GLIS3: variants seen among roughly 807,000 people sequenced by gnomAD.
GLIS3 encodes the protein zinc finger protein GLIS3.
A neutral mutation model predicts 78.6 loss-of-function variants in GLIS3; 53 were observed. The ratio of observed to expected loss-of-function variants is 0.67; its 90% CI spans 0.54 to 0.85. The LOEUF (loss-of-function observed/expected upper bound fraction) is 0.85. Among genes scored for constraint, GLIS3 ranks in the 40% least tolerant of loss-of-function variants. The pLI, the probability that GLIS3 is intolerant of heterozygous loss-of-function variation, is 0.00. For synonymous variants in GLIS3, 684 were observed against 509.9 expected, an observed-to-expected ratio of 1.34 and a Z score of -4.60; for missense variants, 1,703 against 1,231.1, an observed-to-expected ratio of 1.38 and a Z score of -5.74.
chr9:4,010,806 G>C (rs953519163), intron 4 of GLIS3, among the ~76,000 whole-genome samples: 8 of 152,140 alleles, frequency 5.3e-5, no homozygotes, highest in African/African-American at 9.7e-5. Flanking sequence ...AATACCTAGA[G>C]TGGGTCCTGT....
the GLIS3 span, among the ~76,000 whole-genome samples, chr9:4,478,817 A>G: frequency 2.0e-5 from 3 of 152,334 alleles, no homozygotes; most frequent in East Asian, 1.9e-4. Context: ...ACCATCACCA[A>G]TAGATGCTAA....
chr9:4,145,603 C>T (rs1564114885), intron 2 of GLIS3, among the ~76,000 whole-genome samples: 1 of 152,166 alleles, frequency 6.6e-6, no homozygotes, highest in Non-Finnish European at 1.5e-5. Flanking sequence ...GGCATGAACA[C>T]CGACTTTTAC....
At chr9:4,144,251 C>T (rs756109952) in intron 2 of GLIS3, among the ~76,000 whole-genome samples, 10 of 152,162 alleles carry the variant, frequency 6.6e-5, no homozygotes, top group Non-Finnish European at 1.2e-4. Flanking sequence ...GAAAAGAAGG[C>T]GGATAATTCA....
the GLIS3 span, among the ~76,000 whole-genome samples, chr9:4,477,898 A>G: frequency 2.6e-5 from 4 of 152,232 alleles, no homozygotes; most frequent in Non-Finnish European, 5.9e-5. Flanking sequence ...ATAAAAAATG[A>G]AATTGGAAAC....
the GLIS3 span, among the ~76,000 whole-genome samples, chr9:4,485,393 C>T: frequency 5.3e-5 from 8 of 152,112 alleles, no homozygotes; most frequent in Non-Finnish European, 1.0e-4. Context: ...CACAAATCAA[C>T]CAGTCCTGTA....
the GLIS3 span, among the ~76,000 whole-genome samples, chr9:4,375,639 C>G: frequency 6.6e-6 from 1 of 152,192 alleles, no homozygotes; most frequent in African/African-American, 2.4e-5. Context: ...ACACGTCCCT[C>G]CTTATGGAAT....
At chr9:4,390,371 C>CT in the GLIS3 span, among the ~76,000 whole-genome samples, 3,309 of 145,088 alleles carry the variant, frequency 0.023, 59 homozygotes, top group Non-Finnish European at 0.032. Context: ...TGATAAAAGT[C>CT]TTTTTTTTTT....
At chr9:4,463,619 A>G in the GLIS3 span, among the ~76,000 whole-genome samples, 2 of 152,222 alleles carry the variant, frequency 1.3e-5, no homozygotes, top group Non-Finnish European at 2.9e-5. Flanking sequence ...TTAGGAGAAT[A>G]CACTTATTTT....
the GLIS3 span, among the ~76,000 whole-genome samples, chr9:4,358,982 G>C: frequency 1.4e-3 from 210 of 152,242 alleles, 1 homozygote; most frequent in African/African-American, 4.5e-3. Flanking sequence ...CTCCTCACTA[G>C]TCCCATCCTC....
intron 7 of GLIS3, among the ~76,000 whole-genome samples, chr9:3,896,790 T>C (rs1477083088): frequency 6.6e-6 from 1 of 151,374 alleles, no homozygotes; most frequent in East Asian, 1.9e-4. Context: ...TTCTCAAGAG[T>C]TACGGAAAAT....
chr9:4,397,980 C>T, the GLIS3 span, among the ~76,000 whole-genome samples: 3 of 152,060 alleles, frequency 2.0e-5, no homozygotes, highest in Non-Finnish European at 4.4e-5. Context: ...TACAGACAGC[C>T]ATTCTGTTCT....
chr9:3,982,414 T>C (rs79803056), intron 4 of GLIS3, among the ~76,000 whole-genome samples: 1 of 152,192 alleles, frequency 6.6e-6, no homozygotes, highest in African/African-American at 2.4e-5. Flanking sequence ...GCACAGCTCA[T>C]TACAACTCTA....
At chr9:4,037,410 A>C (rs893438797) in intron 4 of GLIS3, among the ~76,000 whole-genome samples, 1 of 152,208 alleles carries the variant, frequency 6.6e-6, no homozygotes, top group African/African-American at 2.4e-5. Context: ...AGGAGATTAA[A>C]TTAGCTACAT....
chr9:4,421,431 G>T, the GLIS3 span, among the ~76,000 whole-genome samples: 96 of 152,324 alleles, frequency 6.3e-4, 1 homozygote, highest in Non-Finnish European at 1.2e-3. Context: ...AAAGCTGGCT[G>T]GTCTGATGGA....
intron 9 of GLIS3, among the ~76,000 whole-genome samples, chr9:3,831,400 AC>A (rs151102714): frequency 1.8e-3 from 267 of 152,340 alleles, no homozygotes; most frequent in African/African-American, 6.3e-3. Context: ...ACAAAGAAAT[AC>A]AAATCAAAAC....
At position 4,141,419 on chromosome 9, in the gene GLIS3, C is replaced by T. The variant is rs1420613463; in HGVS notation, c.389-15478G>A. Among the ~76,000 whole-genome samples, 3 of 152,176 alleles carry T rather than the reference C, an allele frequency of 2.0e-5. 1 individual carries two copies. Among genetic ancestry groups the T allele is most frequent in the Non-Finnish European group, 4.4e-5 (3 of 68,026 alleles). ...CAAGCAATGCACAGAGCAGCAGACT[C>T]CTAGAGGCTATGTGGGGCTTGGTCA... On this transcript the variant is annotated intron_variant, in intron 2 of 10. Transcript: ENST00000381971.
the GLIS3 span, among the ~76,000 whole-genome samples, chr9:4,404,619 CTG>C: frequency 1.3e-5 from 2 of 152,110 alleles, no homozygotes; most frequent in Non-Finnish European, 2.9e-5. Flanking sequence ...CCTGAATGAC[CTG>C]TGAGTCAGTG....
chr9:4,167,449 C>G (rs1004813818), intron 2 of GLIS3, among the ~76,000 whole-genome samples: 2 of 152,100 alleles, frequency 1.3e-5, no homozygotes, highest in African/African-American at 4.8e-5. Context: ...CACATATATC[C>G]TCACATAAGC....
At chr9:4,281,297 G>A (rs1018531890) in intron 2 of GLIS3, among the ~76,000 whole-genome samples, 5 of 152,200 alleles carry the variant, frequency 3.3e-5, no homozygotes, top group East Asian at 3.9e-4. Context: ...GCATAAAAGC[G>A]ATCGTCTTAA....
Sources: allele counts gnomAD v4.1 joint callset (sites outside exome capture counted in the v4.1 genomes callset), GRCh38; gene constraint gnomAD v4.1.1; transcripts MANE v1.5; gene names NCBI Gene and HGNC (gene_info 2026-07-23, HGNC 2026-07-21).